The following C14orf39 variants were observed in gnomAD, a reference collection of about 807,000 sequenced individuals.
C14orf39 encodes protein SIX6OS1.
In C14orf39, 66 loss-of-function variants were observed where a neutral mutation model predicts 85.6. The observed-to-expected ratio is 0.77, with a 90% CI of 0.63 to 0.95. The LOEUF is 0.95. C14orf39 is among the 40% of genes least tolerant of loss of function. C14orf39 has a pLI of 0.00. For synonymous variants in C14orf39, 242 were observed against 214.0 expected (o/e 1.13, Z -1.14); for missense variants, 735 against 663.9 (o/e 1.11, Z -1.18).
chr14:60,466,006 G>A lies in C14orf39; in HGVS notation c.945C>T (p.Asp315=), dbSNP rs181286257. 8 of 1,563,222 alleles carry A rather than the reference G, an allele frequency of 5.1e-6. No homozygotes were observed. Among genetic ancestry groups the A allele is most frequent in the East Asian group, 2.4e-5 (1 of 42,488 alleles). Residue 315 remains aspartate, a synonymous_variant, in exon 11 of 18, where the codon GAC becomes GAT. Coordinates refer to ENST00000321731, the MANE Select transcript of C14orf39 (RefSeq NM_174978.3). ...SAKQSKLANI[D]FRQKENDTQI... Reference sequence around the variant, plus strand: ...GTGTATCATTTTCTTTTTGTCTAAAGTCAATATTGGCAAGCTTTGACTGCT... The same window carrying A: ...GTGTATCATTTTCTTTTTGTCTAAAATCAATATTGGCAAGCTTTGACTGCT...
intron 16 of C14orf39, among the ~76,000 whole-genome samples, chr14:60,447,028 T>G (rs1215397445): frequency 6.6e-6 from 1 of 152,128 alleles, no homozygotes; most frequent in African/African-American, 2.4e-5. Context: ...CTCAATAAAC[T>G]AGGTATTGAT....
intron 17 of C14orf39, among the ~76,000 whole-genome samples, chr14:60,438,594 A>C (rs1047296566): frequency 1.3e-5 from 2 of 152,144 alleles, no homozygotes. Context: ...CCTTGTCCTC[A>C]AAAAACCTGT....
chr14:60,490,066 T>C (rs1459267919), upstream of C14orf39, among the ~76,000 whole-genome samples: 1 of 152,188 alleles, frequency 6.6e-6, no homozygotes, highest in Non-Finnish European at 1.5e-5. Context: ...CCATCTCTCA[T>C]AATTTTCTCT....
intron 5 of C14orf39, among the ~76,000 whole-genome samples, chr14:60,476,187 T>C (rs1173339398): frequency 6.6e-6 from 1 of 152,118 alleles, no homozygotes; most frequent in East Asian, 1.9e-4. Context: ...TTGGGAAAAA[T>C]GGTCCAGGGA....
intron 1 of C14orf39, among the ~76,000 whole-genome samples, chr14:60,504,708 T>C (rs574066709): frequency 1.3e-5 from 2 of 152,360 alleles, no homozygotes; most frequent in South Asian, 4.1e-4. Context: ...GTTAGTGCTG[T>C]AAACATTTAG....
rs1374935596 is a variant in C14orf39, at chr14:60,469,519, A to G, written c.675+14T>C. 1.7e-6 allele frequency: 2 copies of G among 1,197,072 alleles called. No homozygotes were observed. Among genetic ancestry groups the G allele is most frequent in the African/African-American group, 1.6e-5 (1 of 63,378 alleles). The allele number at this position is 1,197,072 out of a possible 1,614,324, so 74.2% of individuals were successfully genotyped here. On this transcript the variant is annotated intron_variant, in intron 8 of 17. Transcript: ENST00000321731. ...ATTAATACACATATTAGAAATATAT[A>G]ACAAAATATATACCTGGTTTAAATA...
chr14:60,513,181 C>G (rs1893318054), intron 1 of C14orf39, among the ~76,000 whole-genome samples: 1 of 152,186 alleles, frequency 6.6e-6, no homozygotes, highest in Non-Finnish European at 1.5e-5. Context: ...AATCAAAACT[C>G]TCTTGCACAA....
rs186370361 is a variant in C14orf39 at position 60,436,045 on chromosome 14, G to T, written c.*800C>A. ...GATATTGAGCAAAATGTTTACAGAAGTTCATCAAATCTTAAATATCTTCAC... is the reference window on the plus strand; with the variant it reads ...GATATTGAGCAAAATGTTTACAGAATTTCATCAAATCTTAAATATCTTCAC... On this transcript the variant is annotated 3_prime_UTR_variant, in exon 18 of 18. Transcript: ENST00000321731. The T allele has an allele frequency of 1.3e-5, 2 of 152,046 alleles. No homozygotes were observed. Among genetic ancestry groups the T allele is most frequent in the Non-Finnish European group, 2.9e-5 (2 of 68,008 alleles). 9.4% of individuals were successfully genotyped at this position (152,046 alleles called of 1,614,324 possible).
chr14:60,509,084 A>C, intron 1 of C14orf39: 1 of 433,594 alleles, frequency 2.3e-6, no homozygotes, highest in Non-Finnish European at 4.2e-6. Flanking sequence ...TTTGATTGGC[A>C]GAGCCACCCG....
intron 1 of C14orf39, among the ~76,000 whole-genome samples, chr14:60,501,898 G>A (rs948575350): frequency 2.6e-5 from 4 of 152,272 alleles, no homozygotes; most frequent in African/African-American, 9.6e-5. Flanking sequence ...CACTTGTTGA[G>A]AATTTACTAT....
chr14:60,438,220 C>T (rs776555133), intron 17 of C14orf39, among the ~76,000 whole-genome samples: 4 of 151,960 alleles, frequency 2.6e-5, no homozygotes, highest in African/African-American at 9.7e-5. Flanking sequence ...AGAACCAAGT[C>T]AACCAGCAGT....
chr14:60,467,149 G>A (rs1430126401), intron 9 of C14orf39, 105 bp from the exon 10 acceptor site: 6 of 477,832 alleles, frequency 1.3e-5, no homozygotes, highest in African/African-American at 1.0e-4. Context: ...CCCTCGTTTT[G>A]CAGATAATAA....
intron 11 of C14orf39, among the ~76,000 whole-genome samples, chr14:60,462,211 C>T (rs1255642450): frequency 7.8e-6 from 1 of 128,996 alleles, no homozygotes; most frequent in Non-Finnish European, 1.6e-5. Context: ...CCCATCTCTA[C>T]AAAAAATTAA....
chr14:60,478,498 C>A, intron 4 of C14orf39, 109 bp from the exon 5 acceptor site: 1 of 527,178 alleles, frequency 1.9e-6, no homozygotes. Flanking sequence ...TCTTTCTCTT[C>A]CTGGAGAAAA....
intron 3 of C14orf39, 28 bp from the exon 4 acceptor site, chr14:60,483,845 A>C (rs1232790544): frequency 2.1e-6 from 3 of 1,410,460 alleles, no homozygotes; most frequent in Non-Finnish European, 2.9e-6. Flanking sequence ...TTATTTTCTT[A>C]ATGTAGAAAT....
At chr14:60,501,185 T>C (rs889124601) in intron 1 of C14orf39, among the ~76,000 whole-genome samples, 1 of 151,610 alleles carries the variant, frequency 6.6e-6, no homozygotes, top group Non-Finnish European at 1.5e-5. Context: ...CATGTATCTG[T>C]AGTCCTAGAT....
chr14:60,481,837 C>T (rs1892653618), intron 4 of C14orf39, among the ~76,000 whole-genome samples: 1 of 151,984 alleles, frequency 6.6e-6, no homozygotes, highest in African/African-American at 2.4e-5. Context: ...TCTACAAGTA[C>T]TTTATGTTTT....
intron 17 of C14orf39, among the ~76,000 whole-genome samples, chr14:60,439,655 C>A (rs185877893): frequency 2.0e-3 from 298 of 152,170 alleles, no homozygotes; most frequent in African/African-American, 6.6e-3. Context: ...TTAAACTGTA[C>A]AATCAGAAAT....
chr14:60,470,884 G>C (rs191904818), intron 7 of C14orf39, among the ~76,000 whole-genome samples: 17 of 152,000 alleles, frequency 1.1e-4, no homozygotes, highest in Admixed American at 8.5e-4. Flanking sequence ...AGATCTCTCT[G>C]ACAAACAGGT....
Sources: gnomAD v4.1 joint callset for allele counts (sites outside exome capture counted in the v4.1 genomes callset) on GRCh38, gnomAD v4.1.1 for gene constraint, MANE v1.5 for transcripts, NCBI Gene and HGNC (gene_info 2026-07-23, HGNC 2026-07-21) for gene names.